FIRRM: variants seen among roughly 807,000 people sequenced by gnomAD.
The protein encoded by FIRRM is FIGNL1-interacting regulator of recombination and mitosis.
At chr1:169,834,712 G>A in the FIRRM span, among the ~76,000 whole-genome samples, 1 of 152,062 alleles carries the variant, frequency 6.6e-6, no homozygotes, top group African/African-American at 2.4e-5. Flanking sequence ...GAGGATCAGA[G>A]GATCTTTTTA....
At chr1:169,851,802 C>T in the FIRRM span, 1 of 1,610,280 alleles carries the variant, frequency 6.2e-7, no homozygotes, top group South Asian at 1.1e-5. Flanking sequence ...CTTGGTTTTT[C>T]ATGGTCCCTG....
the FIRRM span, chr1:169,805,966 T>G: frequency 1.6e-6 from 2 of 1,265,240 alleles, no homozygotes; most frequent in East Asian, 2.3e-5. Flanking sequence ...CCCCATGACA[T>G]TTGGATGTCT....
the FIRRM span, chr1:169,851,061 T>A: frequency 8.1e-6 from 1 of 123,104 alleles, no homozygotes; most frequent in Non-Finnish European, 1.8e-5. Context: ...TTTTTTTTTT[T>A]TTTTTTTTTT....
At chr1:169,842,287 T>A in the FIRRM span, 2 of 820,284 alleles carry the variant, frequency 2.4e-6, no homozygotes, top group Non-Finnish European at 3.5e-6. Context: ...CTTTGGCTCT[T>A]AGAAATATTA....
chr1:169,826,133 C>T, the FIRRM span: 8 of 285,870 alleles, frequency 2.8e-5, no homozygotes, highest in African/African-American at 4.4e-5. Context: ...AGTGCAATGG[C>T]GAAATCTCGG....
chr1:169,842,316 A>AAT, the FIRRM span: 1 of 1,162,920 alleles, frequency 8.6e-7, no homozygotes, highest in South Asian at 2.0e-5. Context: ...GGACTTTATG[A>AAT]AGAGTTAAAA....
At chr1:169,816,236 G>C in the FIRRM span, among the ~76,000 whole-genome samples, 3 of 152,080 alleles carry the variant, frequency 2.0e-5, no homozygotes, top group Non-Finnish European at 4.4e-5. Context: ...GCTGATTCCA[G>C]TATGGGCCCA....
At chr1:169,827,830 A>G in the FIRRM span, 1 of 1,613,940 alleles carries the variant, frequency 6.2e-7, no homozygotes, top group South Asian at 1.1e-5. Flanking sequence ...GGTCTCAGAA[A>G]CGACAACCAG....
At chr1:169,809,808 C>G in the FIRRM span, among the ~76,000 whole-genome samples, 2 of 152,138 alleles carry the variant, frequency 1.3e-5, no homozygotes, top group African/African-American at 4.8e-5. Context: ...ATCAGCGACG[C>G]CCTCTGCTGT....
chr1:169,830,304 T>A, the FIRRM span: 1 of 1,613,870 alleles, frequency 6.2e-7, no homozygotes, highest in Non-Finnish European at 8.5e-7. Flanking sequence ...TATGATCACC[T>A]CTTTGTTAGC....
the FIRRM span, chr1:169,853,708 T>G: frequency 1.2e-6 from 2 of 1,613,442 alleles, no homozygotes; most frequent in Non-Finnish European, 1.7e-6. Flanking sequence ...AACTCACATC[T>G]ATTGTCACCA....
the FIRRM span, among the ~76,000 whole-genome samples, chr1:169,816,279 C>T: frequency 6.6e-6 from 1 of 152,158 alleles, no homozygotes; most frequent in East Asian, 1.9e-4. Flanking sequence ...TTTCACATTA[C>T]CATCTCTCTT....
At chr1:169,853,139 A>C in the FIRRM span, 1 of 757,836 alleles carries the variant, frequency 1.3e-6, no homozygotes, top group South Asian at 1.9e-5. Context: ...ATTGTGGGGA[A>C]TATTCTTATT....
At chr1:169,850,119 G>T in the FIRRM span, 1 of 603,584 alleles carries the variant, frequency 1.7e-6, no homozygotes, top group South Asian at 2.1e-5. Flanking sequence ...GACCCTGAAG[G>T]AATCATGAGT....
the FIRRM span, among the ~76,000 whole-genome samples, chr1:169,792,149 C>G: frequency 6.6e-6 from 1 of 152,056 alleles, no homozygotes; most frequent in African/African-American, 2.4e-5. Context: ...AAAAACAAAA[C>G]GAAACAAAAA....
the FIRRM span, chr1:169,842,490 C>T: frequency 6.2e-7 from 1 of 1,613,654 alleles, no homozygotes; most frequent in Non-Finnish European, 8.5e-7. Flanking sequence ...AAACAAACTG[C>T]AATTATCGAA....
At chr1:169,827,688 A>G in the FIRRM span, 9 of 1,613,090 alleles carry the variant, frequency 5.6e-6, no homozygotes, top group African/African-American at 1.1e-4. Flanking sequence ...CTGCTGAATT[A>G]ATGTGTTTTT....
the FIRRM span, among the ~76,000 whole-genome samples, chr1:169,820,704 T>A: frequency 2.0e-5 from 3 of 152,198 alleles, no homozygotes; most frequent in African/African-American, 4.8e-5. Context: ...CTTCATCACC[T>A]GGGTACCCCA....
At chr1:169,850,174 T>C in the FIRRM span, 1 of 754,298 alleles carries the variant, frequency 1.3e-6, no homozygotes, top group South Asian at 1.7e-5. Context: ...TAAAATGAAT[T>C]TTTGGTTAAG....
Sources: allele counts gnomAD v4.1 joint callset (sites outside exome capture counted in the v4.1 genomes callset), GRCh38; gene constraint gnomAD v4.1.1; transcripts MANE v1.5; gene names NCBI Gene and HGNC (gene_info 2026-07-23, HGNC 2026-07-21).